The following KATNA1 variants were observed in gnomAD, a reference collection of about 807,000 sequenced individuals.
KATNA1 encodes katanin p60 ATPase-containing subunit A1.
In KATNA1, 42 loss-of-function variants were observed where a neutral mutation model predicts 62.6. The ratio of observed to expected loss-of-function variants is 0.67; its 90% CI spans 0.52 to 0.87. The LOEUF is 0.87. KATNA1 is among the 40% of genes least tolerant of loss of function. KATNA1 has a pLI of 0.00. For synonymous variants in KATNA1, 186 were observed against 201.9 expected (o/e 0.92, Z 0.67); for missense variants, 498 against 612.5 (o/e 0.81, Z 1.97).
At chr6:149,607,967 G>A (rs547766273) in intron 4 of KATNA1, among the ~76,000 whole-genome samples, 9 of 152,262 alleles carry the variant, frequency 5.9e-5, no homozygotes, top group African/African-American at 1.9e-4. Flanking sequence ...TCGGGAGGCT[G>A]AGGCAGGAGA....
chr6:149,647,244 C>A (rs11966872), intron 1 of KATNA1, among the ~76,000 whole-genome samples: 1 of 151,676 alleles, frequency 6.6e-6, no homozygotes, highest in African/African-American at 2.4e-5. Flanking sequence ...CAAAAACCGG[C>A]CGGGCGCAGT....
intron 3 of KATNA1, chr6:149,631,564 C>CAAAAAAAA (rs11436870): frequency 1.4e-5 from 2 of 140,434 alleles, no homozygotes; most frequent in African/African-American, 2.6e-5. Context: ...ACAAAAAAAA[C>CAAAAAAAA]AAAAAAAAAA....
chr6:149,601,339 A>C (rs1778536007), intron 7 of KATNA1, among the ~76,000 whole-genome samples: 1 of 152,222 alleles, frequency 6.6e-6, no homozygotes, highest in Non-Finnish European at 1.5e-5. Context: ...TTCCTACAGA[A>C]GATTAGTAAT....
intron 10 of KATNA1, 98 bp downstream of exon 10, chr6:149,596,965 G>A: frequency 7.9e-7 from 1 of 1,259,030 alleles, no homozygotes; most frequent in Non-Finnish European, 1.1e-6. Flanking sequence ...CTCCAGTCTA[G>A]GCAACAGAGC....
rs115103928 is a variant in KATNA1, at chr6:149,618,196, G to A, written c.501+4907C>T. ...GAAAAAGAAAGAAAGAAAAAAAATT[G>A]GTTGGGCACAGTGGCTCACTCCTGT... On this transcript the variant is annotated intron_variant, in intron 4 of 10. Transcript: ENST00000367411. 5.9e-3 allele frequency among the ~76,000 whole-genome samples: 875 copies of A among 149,534 alleles called. 9 individuals are homozygous for A. The highest frequency in any genetic ancestry group is 0.02 in the African/African-American group (834 of 40,930).
At chr6:149,605,111 T>A (rs1484016209) in intron 4 of KATNA1, among the ~76,000 whole-genome samples, 1 of 151,406 alleles carries the variant, frequency 6.6e-6, no homozygotes, top group Non-Finnish European at 1.5e-5. Flanking sequence ...AGGCAGAGCT[T>A]GCAGTGAGCC....
chr6:149,616,594 T>C (rs1779174263), intron 4 of KATNA1, among the ~76,000 whole-genome samples: 1 of 152,126 alleles, frequency 6.6e-6, no homozygotes, highest in Non-Finnish European at 1.5e-5. Flanking sequence ...ACCCCATCTC[T>C]ACTAAAAAAA....
chr6:149,611,525 C>A, intron 4 of KATNA1, among the ~76,000 whole-genome samples: 2 of 145,098 alleles, frequency 1.4e-5, no homozygotes, highest in African/African-American at 2.5e-5. Context: ...GAGCAAAAAG[C>A]AATAAAGTTA....
chr6:149,631,915 A>G (rs913136076), intron 3 of KATNA1, among the ~76,000 whole-genome samples: 6 of 152,228 alleles, frequency 3.9e-5, no homozygotes, highest in African/African-American at 1.4e-4. Flanking sequence ...AAAAAGCCAG[A>G]GAAAACCCTA....
intron 4 of KATNA1, among the ~76,000 whole-genome samples, chr6:149,618,809 C>T (rs1478381760): frequency 6.6e-6 from 1 of 152,160 alleles, no homozygotes; most frequent in Non-Finnish European, 1.5e-5. Context: ...CCCTAACTCT[C>T]ACCATATATA....
intron 3 of KATNA1, among the ~76,000 whole-genome samples, chr6:149,627,726 G>A (rs1169049420): frequency 4.6e-5 from 7 of 151,582 alleles, no homozygotes; most frequent in Non-Finnish European, 1.0e-4. Flanking sequence ...ATCAGGGGTG[G>A]TTTTTAGGTG....
intron 5 of KATNA1, 138 bp downstream of exon 5, chr6:149,604,523 C>T (rs924624477): frequency 2.3e-6 from 2 of 885,180 alleles, no homozygotes; most frequent in African/African-American, 3.4e-5. Context: ...AGGCTGAATG[C>T]AGGGAAGTCA....
At chr6:149,636,690 G>A (rs1780076542) in intron 2 of KATNA1, among the ~76,000 whole-genome samples, 1 of 151,760 alleles carries the variant, frequency 6.6e-6, no homozygotes. Context: ...TGCCAGGCTG[G>A]AGTGCAATGG....
At chr6:149,619,300 T>C (rs2115115332) in intron 4 of KATNA1, among the ~76,000 whole-genome samples, 1 of 152,072 alleles carries the variant, frequency 6.6e-6, no homozygotes, top group South Asian at 2.1e-4. Flanking sequence ...CTTGCCCTAA[T>C]TAGGATGGGT....
intron 8 of KATNA1, 150 bp from the exon 9 acceptor site, chr6:149,597,791 C>T: frequency 1.5e-6 from 1 of 669,424 alleles, no homozygotes. Flanking sequence ...TAACTGGTAC[C>T]TATGTGAATT....
chr6:149,642,350 T>C (rs1780322612), intron 1 of KATNA1, among the ~76,000 whole-genome samples: 1 of 152,204 alleles, frequency 6.6e-6, no homozygotes, highest in South Asian at 2.1e-4. Context: ...GGGGAAATTA[T>C]GTATGCATGT....
Position 149,613,163 on chromosome 6 carries a change from G to A in KATNA1, c.502-8381C>T, listed in dbSNP as rs1424701936. ...CCACTGCACTCCAGCCTGGGCAACAGAGCGAGACTCTGTCTCAAAAAAAAA... is the reference window on the plus strand; with the variant it reads ...CCACTGCACTCCAGCCTGGGCAACAAAGCGAGACTCTGTCTCAAAAAAAAA... On this transcript the variant is annotated intron_variant, in intron 4 of 10. Coordinates refer to ENST00000367411, the MANE Select transcript of KATNA1 (RefSeq NM_007044.4). Among the ~76,000 whole-genome samples the A allele has an allele frequency of 2.2e-3, 195 of 87,676 alleles. 1 individual carries two copies. The highest frequency in any genetic ancestry group is 8.9e-3 in the African/African-American group (184 of 20,752). The allele number at this position is 87,676 out of a possible 152,430, so 57.5% of individuals were successfully genotyped here. A position where few individuals can be genotyped will look rare whatever the true frequency, so the allele number is the denominator to read the frequency against.
intron 1 of KATNA1, among the ~76,000 whole-genome samples, chr6:149,641,725 A>G (rs1780299570): frequency 6.6e-6 from 1 of 152,314 alleles, no homozygotes; most frequent in South Asian, 2.1e-4. Flanking sequence ...TGGATGACTT[A>G]AGATCAGAAA....
chr6:149,617,113 T>C (rs756736836), intron 4 of KATNA1, among the ~76,000 whole-genome samples: 16 of 152,160 alleles, frequency 1.1e-4, no homozygotes, highest in Admixed American at 3.3e-4. Context: ...GTCAAATTCA[T>C]AGAGAAACAG....
Sources: gnomAD v4.1 joint callset for allele counts (sites outside exome capture counted in the v4.1 genomes callset) on GRCh38, gnomAD v4.1.1 for gene constraint, MANE v1.5 for transcripts, NCBI Gene and HGNC (gene_info 2026-07-23, HGNC 2026-07-21) for gene names.